XKR9: variants seen among roughly 807,000 people sequenced by gnomAD.
XKR9 encodes XK-related protein 9.
Under a neutral mutation model 32.0 loss-of-function variants are expected in XKR9, and 32 were observed. The ratio of observed to expected loss-of-function variants is 1.00; its 90% confidence interval spans 0.76 to 1.34. XKR9 has a LOEUF of 1.34. Ranked by LOEUF, XKR9 falls within the 40% of genes most tolerant of loss-of-function variation. The pLI is 0.00. For synonymous variants in XKR9, 168 were observed against 143.4 expected (o/e 1.17, Z -1.22); for missense variants, 546 against 429.7 (o/e 1.27, Z -2.39).
the XKR9 span, among the ~76,000 whole-genome samples, chr8:71,021,242 T>C: frequency 6.6e-6 from 1 of 152,158 alleles, no homozygotes; most frequent in East Asian, 1.9e-4. Flanking sequence ...CACCTCCCAT[T>C]AGGCCCTACT....
At chr8:70,721,152 T>C (rs917811501) in intron 4 of XKR9, among the ~76,000 whole-genome samples, 58 of 152,320 alleles carry the variant, frequency 3.8e-4, no homozygotes, top group African/African-American at 1.3e-3. Context: ...TGATATCCCC[T>C]TTATCATTTT....
chr8:70,984,614 G>A, the XKR9 span, among the ~76,000 whole-genome samples: 2 of 152,052 alleles, frequency 1.3e-5, no homozygotes, highest in African/African-American at 4.8e-5. Context: ...TGGGCAAAGG[G>A]AAAAAAGGTA....
the XKR9 span, among the ~76,000 whole-genome samples, chr8:70,920,624 AG>A: frequency 6.6e-6 from 1 of 152,284 alleles, no homozygotes; most frequent in Middle Eastern, 3.4e-3. Flanking sequence ...AGAGGTTAAA[AG>A]ACCATACATG....
intron 2 of XKR9, among the ~76,000 whole-genome samples, chr8:70,769,675 A>G (rs1441578452): frequency 2.0e-5 from 3 of 149,046 alleles, no homozygotes; most frequent in East Asian, 2.0e-4. Flanking sequence ...TTCATCCTTT[A>G]TTTCATTAAT....
chr8:70,786,272 T>G (rs62508782), intron 2 of XKR9, among the ~76,000 whole-genome samples: 11,037 of 152,200 alleles, frequency 0.073, 472 homozygotes, highest in Non-Finnish European at 0.089. Flanking sequence ...GAATATTCTA[T>G]GTATGTCTGT....
chr8:70,912,677 G>T, the XKR9 span, among the ~76,000 whole-genome samples: 150 of 152,162 alleles, frequency 9.9e-4, no homozygotes, highest in African/African-American at 3.4e-3. Context: ...CAGAAATTAG[G>T]GGTGGTCATT....
the XKR9 span, among the ~76,000 whole-genome samples, chr8:70,971,985 A>C: frequency 1.3e-5 from 2 of 151,840 alleles, no homozygotes; most frequent in Non-Finnish European, 2.9e-5. Context: ...TGTTTTTTCT[A>C]GTTCTGTGAA....
chr8:70,725,514 T>C (rs1327854581), intron 4 of XKR9, among the ~76,000 whole-genome samples: 4 of 152,178 alleles, frequency 2.6e-5, no homozygotes, highest in South Asian at 2.1e-4. Flanking sequence ...GGGGTTACAA[T>C]TGAGGGGTGA....
the XKR9 span, among the ~76,000 whole-genome samples, chr8:71,056,099 T>C: frequency 6.6e-6 from 1 of 152,358 alleles, no homozygotes; most frequent in Non-Finnish European, 1.5e-5. Flanking sequence ...GAGGCCTACA[T>C]TTAAGGAGTA....
At chr8:71,052,037 C>T in the XKR9 span, among the ~76,000 whole-genome samples, 1 of 152,130 alleles carries the variant, frequency 6.6e-6, no homozygotes, top group Non-Finnish European at 1.5e-5. Context: ...TTTGTGTCGG[C>T]TAAATAATGA....
chr8:70,786,003 T>TA (rs1412832455), intron 2 of XKR9, among the ~76,000 whole-genome samples: 1 of 152,026 alleles, frequency 6.6e-6, no homozygotes, highest in Admixed American at 6.6e-5. Context: ...AAGATAGTTT[T>TA]AAATTTCCCT....
chr8:70,714,455 G>T (rs182591140), intron 4 of XKR9, among the ~76,000 whole-genome samples: 1 of 150,862 alleles, frequency 6.6e-6, no homozygotes, highest in Non-Finnish European at 1.5e-5. Flanking sequence ...CTCTCTGATT[G>T]GCTCTAGATT....
chr8:70,762,112 A>T (rs537023914), intron 2 of XKR9, among the ~76,000 whole-genome samples: 35 of 152,134 alleles, frequency 2.3e-4, no homozygotes, highest in African/African-American at 8.4e-4. Flanking sequence ...CCTGTAGTAT[A>T]GTTTGAAGTT....
At chr8:70,876,215 GT>G in the XKR9 span, among the ~76,000 whole-genome samples, 3 of 132,722 alleles carry the variant, frequency 2.3e-5, no homozygotes, top group African/African-American at 8.6e-5. Flanking sequence ...CAGAAGATTC[GT>G]TCTTTTTTTT....
chr8:70,960,337 G>A, the XKR9 span, among the ~76,000 whole-genome samples: 5 of 152,010 alleles, frequency 3.3e-5, no homozygotes, highest in Admixed American at 3.3e-4. Flanking sequence ...TCTACAAATA[G>A]CACCCAGATA....
At chr8:71,009,916 G>T in the XKR9 span, among the ~76,000 whole-genome samples, 1 of 152,188 alleles carries the variant, frequency 6.6e-6, no homozygotes, top group Non-Finnish European at 1.5e-5. Flanking sequence ...ATTTTGCACT[G>T]TGTTGAGGTT....
chr8:70,784,037 C>T (rs1235129197), intron 2 of XKR9, among the ~76,000 whole-genome samples: 1 of 152,134 alleles, frequency 6.6e-6, no homozygotes, highest in Non-Finnish European at 1.5e-5. Flanking sequence ...TTTCTGGGAT[C>T]TCTCTTCTGT....
At chr8:70,939,048 C>G in the XKR9 span, among the ~76,000 whole-genome samples, 1 of 151,484 alleles carries the variant, frequency 6.6e-6, no homozygotes, top group Non-Finnish European at 1.5e-5. Flanking sequence ...TCATTGACAG[C>G]TATCATGTGA....
At chr8:70,897,754 G>A in the XKR9 span, among the ~76,000 whole-genome samples, 3 of 152,044 alleles carry the variant, frequency 2.0e-5, no homozygotes, top group East Asian at 5.8e-4. Flanking sequence ...AGTTGTTTGA[G>A]CTATTCTGGT....
Sources: allele counts gnomAD v4.1 joint callset (sites outside exome capture counted in the v4.1 genomes callset), GRCh38; gene constraint gnomAD v4.1.1; transcripts MANE v1.5; gene names NCBI Gene and HGNC (gene_info 2026-07-23, HGNC 2026-07-21).